OR3A2: variants seen among roughly 807,000 people sequenced by gnomAD.
OR3A2 encodes olfactory receptor family 3 subfamily A member 2, also known as olfactory receptor 3A2.
For synonymous variants in OR3A2, 126 were observed against 159.3 expected (o/e 0.79, Z 1.57); for missense variants, 318 against 392.8 (o/e 0.81, Z 1.61).
At chr17:3,350,687 G>C (rs80316386) in intron 2 of OR3A2, among the ~76,000 whole-genome samples, 1 of 145,008 alleles carries the variant, frequency 6.9e-6, no homozygotes, top group Non-Finnish European at 1.5e-5. Flanking sequence ...ATTTTATGAG[G>C]CCAGCATCAT....
At chr17:3,293,600 A>G (rs1295757281) in intron 3 of OR3A2, among the ~76,000 whole-genome samples, 2 of 152,192 alleles carry the variant, frequency 1.3e-5, no homozygotes, top group African/African-American at 4.8e-5. Context: ...AAGAAAAAAG[A>G]GGTAAATAAA....
At chr17:3,374,050 G>A (rs895833592) in intron 2 of OR3A2, among the ~76,000 whole-genome samples, 1 of 152,106 alleles carries the variant, frequency 6.6e-6, no homozygotes, top group Admixed American at 6.5e-5. Flanking sequence ...TCTCCCCTTT[G>A]TTCATGAAGT....
intron 3 of OR3A2, among the ~76,000 whole-genome samples, chr17:3,327,890 G>A (rs2049190900): frequency 7.6e-6 from 1 of 131,984 alleles, no homozygotes; most frequent in African/African-American, 3.1e-5. Flanking sequence ...TATTTCTGAG[G>A]GCTCTGTTCT....
intron 2 of OR3A2, among the ~76,000 whole-genome samples, chr17:3,355,442 CTCTCTCTCTCTCTCTCTCTTT>C (rs754368207): frequency 0.095 from 14,071 of 147,504 alleles, 801 homozygotes; most frequent in Admixed American, 0.14. Flanking sequence ...CTCTCTCTCT[CTCTCTCTCTCTCTCTCTCTTT>C]AGCTCTAATA....
chr17:3,338,195 C>A (rs541463499), intron 2 of OR3A2, among the ~76,000 whole-genome samples: 1 of 152,218 alleles, frequency 6.6e-6, no homozygotes, highest in Non-Finnish European at 1.5e-5. Flanking sequence ...GGGTAGATTG[C>A]AAAAATTTTC....
At chr17:3,323,953 T>G (rs966344851) in intron 3 of OR3A2, among the ~76,000 whole-genome samples, 2 of 152,132 alleles carry the variant, frequency 1.3e-5, no homozygotes, top group African/African-American at 4.8e-5. Context: ...TGCACAGTGT[T>G]TTCCAACTTG....
chr17:3,345,414 A>T (rs1338800096), intron 2 of OR3A2, among the ~76,000 whole-genome samples: 1 of 123,816 alleles, frequency 8.1e-6, no homozygotes, highest in African/African-American at 3.2e-5. Flanking sequence ...CAAGAGAAAA[A>T]AAGGAAAGAG....
chr17:3,325,652 CTTTA>C (rs899577670), intron 3 of OR3A2, among the ~76,000 whole-genome samples: 6 of 151,970 alleles, frequency 3.9e-5, no homozygotes, highest in Non-Finnish European at 7.4e-5. Context: ...ATAACTGTAG[CTTTA>C]TTTATTTTTT....
chr17:3,369,557 A>G (rs2049593844), intron 2 of OR3A2, among the ~76,000 whole-genome samples: 1 of 152,232 alleles, frequency 6.6e-6, no homozygotes, highest in Non-Finnish European at 1.5e-5. Context: ...ATGTTAAACC[A>G]TCCTTGCATC....
chr17:3,363,826 G>A (rs1478955012), intron 2 of OR3A2, among the ~76,000 whole-genome samples: 1 of 152,150 alleles, frequency 6.6e-6, no homozygotes, highest in Non-Finnish European at 1.5e-5. Flanking sequence ...CATGACAGAA[G>A]GTGAAGCAGA....
At chr17:3,331,653 G>T (rs2049235718) in intron 3 of OR3A2, among the ~76,000 whole-genome samples, 1 of 151,470 alleles carries the variant, frequency 6.6e-6, no homozygotes, top group African/African-American at 2.4e-5. Context: ...CTTTGCCTTT[G>T]GTTTGAATGT....
At chr17:3,282,242 A>T (rs1466142575) in intron 1 of OR3A2, among the ~76,000 whole-genome samples, 1 of 152,096 alleles carries the variant, frequency 6.6e-6, no homozygotes, top group Admixed American at 6.5e-5. Context: ...GTGAAACCCC[A>T]TTCAATACAA....
intron 3 of OR3A2, among the ~76,000 whole-genome samples, chr17:3,334,029 A>G (rs1045553839): frequency 7.9e-5 from 12 of 152,240 alleles, no homozygotes; most frequent in Admixed American, 7.2e-4. Context: ...ATCATTAGAG[A>G]AATGTAAATC....
intron 2 of OR3A2, among the ~76,000 whole-genome samples, chr17:3,352,845 G>A (rs550083902): frequency 1.3e-5 from 2 of 151,746 alleles, no homozygotes; most frequent in East Asian, 3.9e-4. Flanking sequence ...GGTAGTATGG[G>A]CATTTTACCA....
intron 3 of OR3A2, among the ~76,000 whole-genome samples, chr17:3,297,010 C>A (rs190813478): frequency 6.6e-6 from 1 of 152,198 alleles, no homozygotes; most frequent in Admixed American, 6.5e-5. Flanking sequence ...GTAGCTGCCC[C>A]CTCTGGGCCC....
intron 3 of OR3A2, among the ~76,000 whole-genome samples, chr17:3,328,155 C>A (rs2049193424): frequency 7.1e-6 from 1 of 140,670 alleles, no homozygotes; most frequent in African/African-American, 2.8e-5. Context: ...CGCAGTATGG[C>A]CATTTTCACG....
intron 2 of OR3A2, among the ~76,000 whole-genome samples, chr17:3,372,398 C>T (rs1329606775): frequency 1.3e-5 from 2 of 151,852 alleles, no homozygotes; most frequent in East Asian, 2.0e-4. Flanking sequence ...CAGACAGAGA[C>T]GCTCCTCACT....
chr17:3,293,964 T>C (rs2048898580), intron 3 of OR3A2, among the ~76,000 whole-genome samples: 2 of 151,884 alleles, frequency 1.3e-5, no homozygotes, highest in Non-Finnish European at 2.9e-5. Flanking sequence ...CATGGGAGGG[T>C]GGCCAGGGCG....
At chr17:3,303,448 C>T (rs558496095) in intron 3 of OR3A2, among the ~76,000 whole-genome samples, 2 of 151,968 alleles carry the variant, frequency 1.3e-5, no homozygotes, top group South Asian at 4.2e-4. Context: ...ATATTTCAAA[C>T]TTCTACAACC....
Sources: gnomAD v4.1 joint callset for allele counts (sites outside exome capture counted in the v4.1 genomes callset) on GRCh38, gnomAD v4.1.1 for gene constraint, MANE v1.5 for transcripts, NCBI Gene and HGNC (gene_info 2026-07-23, HGNC 2026-07-21) for gene names.